Variants in AMPD3 observed in about 807,000 individuals in gnomAD.
AMPD3 encodes AMP deaminase 3.
AMPD3 carries 57 observed loss-of-function variants against 82.3 expected under a neutral mutation model. That is an observed-to-expected ratio of 0.69 (90% CI 0.56 to 0.86). The LOEUF (loss-of-function observed/expected upper bound fraction) is 0.86. Among genes scored for constraint, AMPD3 ranks in the 40% least tolerant of loss-of-function variants. The pLI, the probability that AMPD3 is intolerant of heterozygous loss-of-function variation, is 0.00. For synonymous variants in AMPD3, 381 were observed against 394.7 expected (o/e 0.97, Z 0.41); for missense variants, 870 against 1,003.8 (o/e 0.87, Z 1.80).
In AMPD3 at chr11:10,502,627, C is replaced by G. The variant is rs1387065331; in HGVS notation, c.1843-94C>G. On this transcript the variant is annotated intron_variant, in intron 12 of 14. Transcript: ENST00000396553. ...AGACATGGTTCAGACCCCTGGTTTC[C>G]ACTGGTGAATGCTTCTTCCCTTCCT... is the stretch of plus-strand genomic sequence containing the variant. 74 of 1,593,036 alleles carry G rather than the reference C, an allele frequency of 4.6e-5. No individual in the cohort carries two copies. The East Asian group carries it at 1.2e-3, about 26-fold the overall frequency.
At chr11:10,489,015 G>C (rs980042065) in intron 6 of AMPD3, among the ~76,000 whole-genome samples, 1 of 152,210 alleles carries the variant, frequency 6.6e-6, no homozygotes, top group African/African-American at 2.4e-5. Context: ...GCTTTAAGAA[G>C]TGAGAGTTTG....
At chr11:10,465,195 A>C (rs1848384003) in intron 2 of AMPD3, among the ~76,000 whole-genome samples, 1 of 152,222 alleles carries the variant, frequency 6.6e-6, no homozygotes, top group Non-Finnish European at 1.5e-5. Flanking sequence ...CAACAGTGAG[A>C]GAGGAAACAA....
chr11:10,459,697 G>A (rs1159473378), intron 1 of AMPD3, among the ~76,000 whole-genome samples: 1 of 152,142 alleles, frequency 6.6e-6, no homozygotes, highest in Non-Finnish European at 1.5e-5. Context: ...AAAGGGTGCA[G>A]TATTAATCCA....
upstream of AMPD3, chr11:10,451,047 A>G: frequency 6.3e-7 from 1 of 1,577,680 alleles, no homozygotes; most frequent in Non-Finnish European, 8.6e-7. Context: ...GAACCCGGTG[A>G]GTGCGCGCGA....
chr11:10,486,515 C>T, intron 5 of AMPD3: 1 of 973,040 alleles, frequency 1.0e-6, no homozygotes, highest in Non-Finnish European at 1.2e-6. Flanking sequence ...AAATCATGGG[C>T]CCCTTCTCTG....
intron 2 of AMPD3, among the ~76,000 whole-genome samples, chr11:10,465,093 A>T (rs1848381114): frequency 6.6e-6 from 1 of 152,266 alleles, no homozygotes; most frequent in African/African-American, 2.4e-5. Flanking sequence ...ATACCTTGTG[A>T]GAATTAAATG....
chr11:10,475,639 T>C (rs559500450), intron 2 of AMPD3, among the ~76,000 whole-genome samples: 3 of 152,264 alleles, frequency 2.0e-5, no homozygotes, highest in African/African-American at 7.2e-5. Context: ...ACAGTTGACC[T>C]TAAGATAGGG....
chr11:10,477,655 C>T (rs1564845376), intron 2 of AMPD3, among the ~76,000 whole-genome samples: 1 of 152,166 alleles, frequency 6.6e-6, no homozygotes, highest in African/African-American at 2.4e-5. Flanking sequence ...AATTTGGTGC[C>T]GATCAATCCC....
At chr11:10,489,727 C>A (rs1054747224) in intron 6 of AMPD3, among the ~76,000 whole-genome samples, 2 of 151,866 alleles carry the variant, frequency 1.3e-5, no homozygotes, top group African/African-American at 2.4e-5. Context: ...GTTGCCCAGG[C>A]TGGAGTGCAG....
chr11:10,456,449 C>T lies in AMPD3; in HGVS notation c.-6+1001C>T. 1 of 1,613,762 alleles carries T rather than the reference C, an allele frequency of 6.2e-7. No homozygotes were observed. The highest frequency in any genetic ancestry group is 8.5e-7 in the Non-Finnish European group (1 of 1,179,682). ...AGGGGAGTCTGGCAAGAGTAGGAAC[C>T]AGCTTCCTTCGTATAACGAGGGGAT... On this transcript the variant is annotated intron_variant, in intron 1 of 14. Transcript: ENST00000396553. The surrounding 1 kb of genome is among the most constrained non-coding windows in gnomAD (Gnocchi z 4.3).
chr11:10,455,515 G>T, intron 1 of AMPD3, 67 bp downstream of exon 1: 1 of 830,762 alleles, frequency 1.2e-6, no homozygotes, highest in Non-Finnish European at 1.5e-6. Flanking sequence ...TTCTGTGTGT[G>T]TGGATGGGGG....
At chr11:10,461,462 G>T in intron 1 of AMPD3, 53 bp from the exon 2 acceptor site, 1 of 1,612,732 alleles carries the variant, frequency 6.2e-7, no homozygotes. Context: ...TCTCTTCCCC[G>T]GTGCTGGTGA....
Position 10,455,333 on chromosome 11 carries a change from G to C in AMPD3, c.-121G>C. On this transcript the variant is annotated 5_prime_UTR_variant, in exon 1 of 15. Coordinates refer to ENST00000396553, the MANE Select transcript of AMPD3 (RefSeq NM_001025389.2). Reference sequence around the variant, plus strand: ...ATGCCATTTTAATCAACCCTGCTTGGTTTTAGAGGATTGCTCCTGTGGGTC... The same window carrying C: ...ATGCCATTTTAATCAACCCTGCTTGCTTTTAGAGGATTGCTCCTGTGGGTC... 3.0e-6 allele frequency: 3 copies of C among 985,474 alleles called. No individual in the cohort carries two copies. Among genetic ancestry groups the C allele is most frequent in the Non-Finnish European group, 3.6e-6 (3 of 830,008 alleles). 61.0% of individuals were successfully genotyped at this position (985,474 alleles called of 1,614,324 possible).
chr11:10,485,127 G>C (rs11042844), intron 5 of AMPD3, 88 bp downstream of exon 5: 92,985 of 1,289,270 alleles, frequency 0.072, 3,945 homozygotes, highest in Non-Finnish European at 0.086. Context: ...CTCTGCCCTG[G>C]GGTCCCCTGT....
rs538153795 is a variant in AMPD3, at chr11:10,471,809, G to C, written c.222-6717G>C. Reference sequence around the variant, plus strand: ...AAGTCAGGAAACAACAGATGCTGGAGAGGATGTGGAGAAATAGGAATGCTT... The same window carrying C: ...AAGTCAGGAAACAACAGATGCTGGACAGGATGTGGAGAAATAGGAATGCTT... On this transcript the variant is annotated intron_variant, in intron 2 of 14. Transcript: ENST00000396553. Among the ~76,000 whole-genome samples, 477 of 152,334 alleles carry C rather than the reference G, an allele frequency of 3.1e-3. 2 individuals carry two copies. Among genetic ancestry groups the C allele is most frequent in the African/African-American group, 0.011 (461 of 41,570 alleles).
chr11:10,490,535 A>G (rs1849210905), intron 6 of AMPD3: 22 of 985,434 alleles, frequency 2.2e-5, no homozygotes, highest in Non-Finnish European at 2.7e-5. Flanking sequence ...AACACGGGGA[A>G]TGCACTTGGA....
At chr11:10,489,703 G>A (rs184181757) in intron 6 of AMPD3, among the ~76,000 whole-genome samples, 44 of 150,536 alleles carry the variant, frequency 2.9e-4, no homozygotes, top group African/African-American at 8.3e-4. Flanking sequence ...TTTTTGAGAT[G>A]AAGTTTTGCT....
intron 1 of AMPD3, among the ~76,000 whole-genome samples, chr11:10,459,580 G>C (rs376138538): frequency 9.2e-5 from 14 of 152,230 alleles, no homozygotes; most frequent in South Asian, 4.1e-4. Flanking sequence ...TGTCTGTCTG[G>C]TCCACAAAAC....
At chr11:10,500,552 C>A in intron 11 of AMPD3, 1 of 953,952 alleles carries the variant, frequency 1.0e-6, no homozygotes, top group Non-Finnish European at 1.2e-6. Context: ...TTTATATGTA[C>A]ACACACCAGG....
Sources: gnomAD v4.1 joint callset for allele counts (sites outside exome capture counted in the v4.1 genomes callset) on GRCh38, gnomAD v4.1.1 for gene constraint, Gnocchi (gnomAD v3.1) non-coding constraint, MANE v1.5 for transcripts, NCBI Gene and HGNC (gene_info 2026-07-23, HGNC 2026-07-21) for gene names.